The following THSD7B variants were observed in gnomAD, a reference collection of about 807,000 sequenced individuals.
The protein encoded by THSD7B is thrombospondin type 1 domain containing 7B.
THSD7B carries 138 observed loss-of-function variants against 213.6 expected under a neutral mutation model. That is an observed-to-expected ratio of 0.65 (90% CI 0.56 to 0.74). The LOEUF is 0.74. THSD7B is among the 30% of genes least tolerant of loss of function. The pLI is 0.00. For synonymous variants in THSD7B, 742 were observed against 687.0 expected (o/e 1.08, Z -1.25); for missense variants, 1,931 against 1,991.5 (o/e 0.97, Z 0.58).
chr2:137,457,256 C>T lies in THSD7B; in HGVS notation c.3138+6233C>T, dbSNP rs528650435. On this transcript the variant is annotated intron_variant, in intron 15 of 27. Coordinates refer to ENST00000409968, the MANE Select transcript of THSD7B (RefSeq NM_001316349.2). Reference sequence around the variant, plus strand: ...TTCCTGTATCTGTTGTCCATGTAGTCTTACATTTTACTATATTTTTTCATA... The same window carrying T: ...TTCCTGTATCTGTTGTCCATGTAGTTTTACATTTTACTATATTTTTTCATA... Among the ~76,000 whole-genome samples the T allele has an allele frequency of 8.5e-5, 13 of 152,236 alleles. No homozygotes were observed. In the South Asian group the frequency reaches 2.5e-3, roughly 29 times the overall value.
chr2:136,970,568 G>C (rs550836550), intron 2 of THSD7B, among the ~76,000 whole-genome samples: 1 of 152,080 alleles, frequency 6.6e-6, no homozygotes, highest in Non-Finnish European at 1.5e-5. Flanking sequence ...ATCAATTTGA[G>C]AAGTCCAAAA....
At chr2:136,934,092 A>G (rs1293317978) in intron 2 of THSD7B, among the ~76,000 whole-genome samples, 7 of 152,208 alleles carry the variant, frequency 4.6e-5, no homozygotes, top group African/African-American at 1.2e-4. Flanking sequence ...AAATCCACAA[A>G]TTAGCATACA....
chr2:136,870,276 C>T (rs1683411371), intron 1 of THSD7B, among the ~76,000 whole-genome samples: 1 of 152,114 alleles, frequency 6.6e-6, no homozygotes, highest in South Asian at 2.1e-4. Context: ...ATATTTCTCC[C>T]ATCATATGCT....
At chr2:136,890,897 A>T (rs1683842710) in intron 2 of THSD7B, among the ~76,000 whole-genome samples, 2 of 151,670 alleles carry the variant, frequency 1.3e-5, no homozygotes, top group Non-Finnish European at 2.9e-5. Flanking sequence ...CTGTTGTGTG[A>T]ATTCCTTCTG....
intron 14 of THSD7B, among the ~76,000 whole-genome samples, chr2:137,440,675 T>G (rs1005975715): frequency 3.3e-5 from 5 of 152,006 alleles, no homozygotes; most frequent in African/African-American, 7.2e-5. Flanking sequence ...AATGTTTATT[T>G]TATGTGAAAT....
chr2:136,877,345 T>A (rs1462409512), intron 1 of THSD7B, among the ~76,000 whole-genome samples: 1 of 152,180 alleles, frequency 6.6e-6, no homozygotes, highest in Non-Finnish European at 1.5e-5. Context: ...TAAGGAAATG[T>A]GGCCAATTCA....
At chr2:137,171,412 A>G (rs1189991613) in intron 7 of THSD7B, among the ~76,000 whole-genome samples, 4 of 152,240 alleles carry the variant, frequency 2.6e-5, no homozygotes, top group African/African-American at 7.2e-5. Context: ...TGAATCAGCT[A>G]TAGACACAAT....
intron 17 of THSD7B, among the ~76,000 whole-genome samples, chr2:137,613,961 C>A (rs940065648): frequency 4.6e-5 from 7 of 152,072 alleles, no homozygotes; most frequent in Admixed American, 2.6e-4. Context: ...AAACAGTAAT[C>A]TATCACTTGT....
intron 3 of THSD7B, among the ~76,000 whole-genome samples, chr2:137,061,471 A>T (rs1427244866): frequency 6.7e-6 from 1 of 149,226 alleles, no homozygotes; most frequent in Non-Finnish European, 1.5e-5. Flanking sequence ...GTCACCATTA[A>T]GTGTTTTGTT....
At chr2:136,943,217 C>T (rs897581531) in intron 2 of THSD7B, among the ~76,000 whole-genome samples, 1 of 152,146 alleles carries the variant, frequency 6.6e-6, no homozygotes, top group Non-Finnish European at 1.5e-5. Context: ...GCCTTGCATC[C>T]CAGGGATGAA....
At chr2:136,945,177 G>T (rs931917331) in intron 2 of THSD7B, among the ~76,000 whole-genome samples, 1 of 152,128 alleles carries the variant, frequency 6.6e-6, no homozygotes, top group Non-Finnish European at 1.5e-5. Context: ...TGAAATTCTG[G>T]GTTGAAAATG....
chr2:137,015,174 G>T (rs1686314948), intron 2 of THSD7B, among the ~76,000 whole-genome samples: 1 of 152,166 alleles, frequency 6.6e-6, no homozygotes, highest in African/African-American at 2.4e-5. Context: ...TGTATTCAGA[G>T]CCTAGCACAA....
In THSD7B at chr2:137,412,020, C is replaced by A. The variant is rs570263646; in HGVS notation, c.2959+148C>A. 1.1e-5 allele frequency: 10 copies of A among 892,058 alleles called. No individual in the cohort carries two copies. The East Asian group carries it at 2.4e-4, about 21-fold the overall frequency. The allele number at this position is 892,058 out of a possible 1,614,324, so 55.3% of individuals were successfully genotyped here. ...CACATTGTCTCTCATAAAATATGGA[C>A]AGATGAAATGCATACATCTGTATCT... On this transcript the variant is annotated intron_variant, in intron 14 of 27. Transcript: ENST00000409968.
intron 15 of THSD7B, among the ~76,000 whole-genome samples, chr2:137,518,684 A>G (rs1017237196): frequency 6.6e-6 from 1 of 152,034 alleles, no homozygotes; most frequent in Non-Finnish European, 1.5e-5. Flanking sequence ...TTCCCCAGCC[A>G]CCCCTGTCAT....
At chr2:137,160,026 T>A (rs2104983944) in intron 5 of THSD7B, among the ~76,000 whole-genome samples, 187 bp from the exon 6 acceptor site, 1 of 152,340 alleles carries the variant, frequency 6.6e-6, no homozygotes, top group East Asian at 1.9e-4. Context: ...TTCTTTGCCT[T>A]TTCTCAACCA....
At chr2:137,153,772 T>C (rs1573856240) in intron 5 of THSD7B, among the ~76,000 whole-genome samples, 2 of 152,276 alleles carry the variant, frequency 1.3e-5, no homozygotes, top group African/African-American at 2.4e-5. Flanking sequence ...GTAGATTGAG[T>C]TTCTGCCAAG....
chr2:136,938,633 T>C (rs1312606490), intron 2 of THSD7B, among the ~76,000 whole-genome samples: 2 of 152,246 alleles, frequency 1.3e-5, no homozygotes, highest in Non-Finnish European at 2.9e-5. Context: ...TAATGTTCTC[T>C]GCTTTTGTTG....
rs114551685 is a variant in THSD7B, at chr2:137,595,263, A to G, written c.3424-20912A>G. Among the ~76,000 whole-genome samples, 905 of 152,116 alleles carry G rather than the reference A, an allele frequency of 5.9e-3. 8 individuals carry two copies. The highest frequency in any genetic ancestry group is 0.021 in the African/African-American group (861 of 41,540). On this transcript the variant is annotated intron_variant, in intron 17 of 27. Transcript: ENST00000409968. ...CAAAGTGACAGTATTTAATTACAAG[A>G]AGATATGAAAATGCTATACCTGCTC...
chr2:136,906,789 GT>G (rs765030694), intron 2 of THSD7B, among the ~76,000 whole-genome samples: 3 of 151,834 alleles, frequency 2.0e-5, no homozygotes, highest in Non-Finnish European at 4.4e-5. Context: ...CACTCAAGTA[GT>G]TATGGCAATA....
Sources: gnomAD v4.1 joint callset for allele counts (sites outside exome capture counted in the v4.1 genomes callset) on GRCh38, gnomAD v4.1.1 for gene constraint, MANE v1.5 for transcripts, NCBI Gene and HGNC (gene_info 2026-07-23, HGNC 2026-07-21) for gene names.